GSTCD: variants seen among roughly 807,000 people sequenced by gnomAD.
The protein encoded by GSTCD is glutathione S-transferase C-terminal domain containing, also known as glutathione S-transferase C-terminal domain-containing protein.
GSTCD carries 44 observed loss-of-function variants against 68.3 expected under a neutral mutation model. The observed-to-expected ratio is 0.64, with a 90% CI of 0.51 to 0.83. GSTCD has a LOEUF of 0.83. Ranked by LOEUF, GSTCD falls within the 40% of genes least tolerant of loss-of-function variation. The pLI is 0.00. For missense variants in GSTCD, 739 were observed against 735.9 expected (o/e 1.00, Z -0.05); for synonymous variants, 273 against 255.2 (o/e 1.07, Z -0.67).
At chr4:105,825,219 T>C (rs1723536840) in intron 7 of GSTCD, among the ~76,000 whole-genome samples, 1 of 152,108 alleles carries the variant, frequency 6.6e-6, no homozygotes, top group Admixed American at 6.5e-5. Context: ...AACCTCTGCT[T>C]CCTGGGTTCA....
intron 5 of GSTCD, among the ~76,000 whole-genome samples, chr4:105,769,331 G>A (rs1560820309): frequency 1.3e-5 from 2 of 151,716 alleles, no homozygotes; most frequent in Admixed American, 6.6e-5. Context: ...TCTGCAGAGG[G>A]GCAGTCTTCA....
Position 105,845,861 on chromosome 4 carries a change from A to T in GSTCD, c.*284A>T, listed in dbSNP as rs1045214748. ...TAGTGGAGGTTCCATCACAGGAATAACAATTTCCTTCTCACTTCACAAGCT... is the reference window on the plus strand; with the variant it reads ...TAGTGGAGGTTCCATCACAGGAATATCAATTTCCTTCTCACTTCACAAGCT... On this transcript the variant is annotated 3_prime_UTR_variant, in exon 12 of 12. Coordinates refer to ENST00000515279, the MANE Select transcript of GSTCD (RefSeq NM_001370181.1). 2 of 342,496 alleles carry T rather than the reference A, an allele frequency of 5.8e-6. No individual in the cohort carries two copies. The highest frequency in any genetic ancestry group is 2.0e-5 in the African/African-American group (1 of 49,456). 21.2% of individuals were successfully genotyped at this position (342,496 alleles called of 1,614,324 possible).
At chr4:105,843,938 G>A (rs987911295) in intron 11 of GSTCD, among the ~76,000 whole-genome samples, 2 of 152,010 alleles carry the variant, frequency 1.3e-5, no homozygotes, top group Non-Finnish European at 2.9e-5. Context: ...GGGAAGAACG[G>A]GGGGAATCAC....
intron 8 of GSTCD, among the ~76,000 whole-genome samples, chr4:105,831,657 G>A (rs1460511080): frequency 6.6e-6 from 1 of 152,010 alleles, no homozygotes; most frequent in Non-Finnish European, 1.5e-5. Context: ...TTTCTTTTTA[G>A]AAGTTTGTTA....
chr4:105,771,116 C>T (rs1225848846), intron 5 of GSTCD, among the ~76,000 whole-genome samples: 8 of 151,984 alleles, frequency 5.3e-5, no homozygotes, highest in African/African-American at 7.2e-5. Context: ...ATTTCTCTAA[C>T]GAACAGTGAT....
chr4:105,756,875 GTCAA>G (rs1288185864), intron 5 of GSTCD, among the ~76,000 whole-genome samples: 2 of 151,944 alleles, frequency 1.3e-5, no homozygotes, highest in Non-Finnish European at 1.5e-5. Context: ...CACACTGTCC[GTCAA>G]TCAGCAGAGT....
chr4:105,737,271 C>T (rs542307646), intron 5 of GSTCD, among the ~76,000 whole-genome samples: 6 of 152,074 alleles, frequency 3.9e-5, no homozygotes, highest in Admixed American at 3.3e-4. Context: ...TAATAATAGA[C>T]GTTCTAACTG....
chr4:105,816,182 A>G (rs1328595270), intron 5 of GSTCD, among the ~76,000 whole-genome samples: 1 of 152,090 alleles, frequency 6.6e-6, no homozygotes, highest in Non-Finnish European at 1.5e-5. Context: ...GTTTTTAGTT[A>G]TTGACTTTTT....
intron 5 of GSTCD, among the ~76,000 whole-genome samples, chr4:105,759,313 A>T (rs574974974): frequency 7.4e-4 from 112 of 151,844 alleles, no homozygotes; most frequent in Non-Finnish European, 1.4e-3. Context: ...AAGAATATTT[A>T]TTATTATTAT....
At chr4:105,718,139 A>G in intron 2 of GSTCD, 100 bp downstream of exon 2, 1 of 977,418 alleles carries the variant, frequency 1.0e-6, no homozygotes, top group East Asian at 2.7e-5. Flanking sequence ...ATAAAAGTTT[A>G]TTTATTTTAA....
chr4:105,731,325 A>G (rs1325914547), intron 5 of GSTCD, among the ~76,000 whole-genome samples: 1 of 152,190 alleles, frequency 6.6e-6, no homozygotes, highest in African/African-American at 2.4e-5. Flanking sequence ...CTTGGGCAGT[A>G]TGGCCATTTT....
intron 5 of GSTCD, among the ~76,000 whole-genome samples, chr4:105,791,131 T>C (rs1268838060): frequency 2.6e-5 from 4 of 151,956 alleles, no homozygotes; most frequent in Non-Finnish European, 5.9e-5. Context: ...CGGTGGTTCA[T>C]GCCTGTAATC....
chr4:105,749,427 C>T (rs1733928948), intron 5 of GSTCD, among the ~76,000 whole-genome samples: 1 of 151,704 alleles, frequency 6.6e-6, no homozygotes, highest in Admixed American at 6.6e-5. Context: ...CAGAATCACT[C>T]TAGTGAGTGT....
chr4:105,757,514 C>T (rs1461351190), intron 5 of GSTCD, among the ~76,000 whole-genome samples: 1 of 152,154 alleles, frequency 6.6e-6, no homozygotes, highest in African/African-American at 2.4e-5. Flanking sequence ...TCAAAACACT[C>T]ACTCTGAAAT....
chr4:105,717,498 T>C (rs1732715288), intron 1 of GSTCD, 95 bp from the exon 2 acceptor site: 1 of 801,058 alleles, frequency 1.2e-6, no homozygotes, highest in Admixed American at 3.1e-5. Context: ...AAATTTTTAC[T>C]GATTTCTAGA....
chr4:105,785,656 A>G (rs898149122), intron 5 of GSTCD, among the ~76,000 whole-genome samples: 3 of 152,184 alleles, frequency 2.0e-5, no homozygotes, highest in South Asian at 2.1e-4. Context: ...AAAGACATCT[A>G]CCAAAAACCA....
At chr4:105,837,942 T>A in intron 10 of GSTCD, 53 bp downstream of exon 10, 1 of 708,360 alleles carries the variant, frequency 1.4e-6, no homozygotes, top group Admixed American at 3.6e-5. Flanking sequence ...ATCCTTTATA[T>A]TTTTCCCTCT....
At chr4:105,747,955 A>G (rs1393374690) in intron 5 of GSTCD, among the ~76,000 whole-genome samples, 3 of 152,100 alleles carry the variant, frequency 2.0e-5, no homozygotes, top group Non-Finnish European at 4.4e-5. Context: ...ACTTTTTGGC[A>G]TTTAAAATAC....
chr4:105,770,551 T>TA (rs917812679), intron 5 of GSTCD, among the ~76,000 whole-genome samples: 1 of 152,012 alleles, frequency 6.6e-6, no homozygotes, highest in African/African-American at 2.4e-5. Context: ...GGCCCTGGAG[T>TA]ATGATATTCC....
Sources: gnomAD v4.1 joint callset for allele counts (sites outside exome capture counted in the v4.1 genomes callset) on GRCh38, gnomAD v4.1.1 for gene constraint, MANE v1.5 for transcripts, NCBI Gene and HGNC (gene_info 2026-07-23, HGNC 2026-07-21) for gene names.